UBE3D: variants seen among roughly 807,000 people sequenced by gnomAD.
UBE3D encodes E3 ubiquitin-protein ligase E3D.
A neutral mutation model predicts 49.6 loss-of-function variants in UBE3D; 48 were observed. That is an observed-to-expected ratio of 0.97 (90% CI 0.77 to 1.23). UBE3D has a LOEUF of 1.23. Ranked by LOEUF, UBE3D falls within the 50% of genes most tolerant of loss-of-function variation. UBE3D has a pLI of 0.00. For missense variants in UBE3D, 452 were observed against 468.4 expected, an observed-to-expected ratio of 0.96 and a Z score of 0.32; for synonymous variants, 189 against 174.2, an observed-to-expected ratio of 1.08 and a Z score of -0.67.
intron 8 of UBE3D, among the ~76,000 whole-genome samples, chr6:82,997,966 AT>A (rs5877832): frequency 0.88 from 133,033 of 151,924 alleles, 58,311 homozygotes; most frequent in East Asian, 0.96. Context: ...GGAATGATTG[AT>A]TTTTTTTTAA....
chr6:82,899,256 G>A (rs1429145482), intron 9 of UBE3D, among the ~76,000 whole-genome samples: 1 of 152,154 alleles, frequency 6.6e-6, no homozygotes, highest in Non-Finnish European at 1.5e-5. Context: ...GCAGTCCAAT[G>A]AGGAAGAAGA....
chr6:82,913,797 A>G (rs1772702986), intron 9 of UBE3D, among the ~76,000 whole-genome samples: 1 of 152,244 alleles, frequency 6.6e-6, no homozygotes. Flanking sequence ...AACAGCAGAA[A>G]GTGTCTTTTT....
Position 82,957,390 on chromosome 6 carries a change from G to C in UBE3D, c.1071C>G (p.Thr357=). Reference sequence around the variant, plus strand: ...ACAATATCAACAGCAGCTCCAAGCAGGTTGCAGAGGGCAGGGTTAGCGGGT... The same window carrying C: ...ACAATATCAACAGCAGCTCCAAGCACGTTGCAGAGGGCAGGGTTAGCGGGT... ...SVHPLTLPSA[T]CLELLLILSK... Residue 357 remains threonine, a synonymous_variant, in exon 9 of 10, where the codon ACC becomes ACG. Transcript: ENST00000369747. The C allele has an allele frequency of 6.2e-7, 1 of 1,614,082 alleles. No homozygotes were observed. Among genetic ancestry groups the C allele is most frequent in the Non-Finnish European group, 8.5e-7 (1 of 1,180,010 alleles).
intron 3 of UBE3D, among the ~76,000 whole-genome samples, chr6:83,053,791 G>A (rs1783629829): frequency 1.3e-5 from 2 of 152,192 alleles, no homozygotes; most frequent in Non-Finnish European, 2.9e-5. Flanking sequence ...AGCTTGTTAT[G>A]TGGAAAAAAT....
At chr6:83,049,711 G>C (rs1783332910) in intron 3 of UBE3D, 1 of 470,392 alleles carries the variant, frequency 2.1e-6, no homozygotes, top group South Asian at 1.6e-5. Flanking sequence ...TACCTTACCA[G>C]TGCAGGGAGA....
chr6:83,012,479 C>T (rs182388710), intron 8 of UBE3D, among the ~76,000 whole-genome samples: 1 of 152,328 alleles, frequency 6.6e-6, no homozygotes, highest in East Asian at 1.9e-4. Context: ...CCATCCCTGC[C>T]ACCATGGGCA....
chr6:83,018,023 G>A (rs1195270777), intron 8 of UBE3D: 2 of 152,034 alleles, frequency 1.3e-5, no homozygotes, highest in Non-Finnish European at 2.9e-5. Context: ...GACAACAAAC[G>A]TTTTACTTCT....
the UBE3D span, among the ~76,000 whole-genome samples, chr6:82,880,840 C>T: frequency 2.6e-5 from 4 of 152,118 alleles, no homozygotes; most frequent in East Asian, 1.9e-4. Context: ...AGTTCTGGAG[C>T]CTGGAAGTCC....
At chr6:83,018,868 G>A (rs1042737719) in intron 8 of UBE3D, 105 bp downstream of exon 8, 1 of 1,309,194 alleles carries the variant, frequency 7.6e-7, no homozygotes. Context: ...GAAGCTTCAA[G>A]TAGGGAAATG....
At chr6:82,925,381 C>T (rs958998623) in intron 9 of UBE3D, among the ~76,000 whole-genome samples, 46 of 152,114 alleles carry the variant, frequency 3.0e-4, no homozygotes, top group African/African-American at 9.2e-4. Context: ...CTTACTGACC[C>T]GACTTCTTTA....
chr6:83,058,002 A>G lies in UBE3D; in HGVS notation c.98T>C (p.Met33Thr), dbSNP rs368913478. The G allele has an allele frequency of 9.3e-6, 15 of 1,614,096 alleles. No individual in the cohort carries two copies. The highest frequency in any genetic ancestry group is 1.7e-5 in the Admixed American group (1 of 60,002). ...TGGCATTATGGAAATATTCATGGGC[A>G]TACCTCCTTCTTTCGGTTCTCTGGT... ...LILGEPKEGG[M>T]PMNISIMPSS... Residue 33 changes from methionine to threonine, a missense_variant, in exon 2 of 10, where the codon ATG becomes ACG. Met to Thr is a moderately conservative substitution (Grantham distance 81, BLOSUM62 -1). Coordinates refer to ENST00000369747, the MANE Select transcript of UBE3D (RefSeq NM_198920.3).
intron 8 of UBE3D, among the ~76,000 whole-genome samples, chr6:82,959,717 C>CCA (rs1776413539): frequency 2.7e-5 from 1 of 37,718 alleles, no homozygotes; most frequent in Non-Finnish European, 4.6e-5. Flanking sequence ...GTGAGACCTC[C>CCA]AAAAAAAAAA....
intron 8 of UBE3D, among the ~76,000 whole-genome samples, chr6:83,006,781 G>C (rs1780011743): frequency 6.6e-6 from 1 of 151,964 alleles, no homozygotes; most frequent in Non-Finnish European, 1.5e-5. Context: ...AGAGGGTTGT[G>C]GTTTAATGAG....
At chr6:82,999,284 G>A (rs1779453863) in intron 8 of UBE3D, among the ~76,000 whole-genome samples, 1 of 152,166 alleles carries the variant, frequency 6.6e-6, no homozygotes, top group South Asian at 2.1e-4. Context: ...GTCCACCAGA[G>A]CTTGAGATAC....
chr6:82,996,190 A>G (rs1484894334), intron 8 of UBE3D, among the ~76,000 whole-genome samples: 1 of 152,146 alleles, frequency 6.6e-6, no homozygotes, highest in East Asian at 1.9e-4. Flanking sequence ...GTGAGTCTGG[A>G]GTATTTTGTG....
chr6:83,049,602 G>A, intron 3 of UBE3D: 1 of 312,756 alleles, frequency 3.2e-6, no homozygotes, highest in South Asian at 2.7e-5. Flanking sequence ...CAATCAAGTG[G>A]TTGGATATCC....
At chr6:82,937,993 GCA>G (rs145017106) in intron 9 of UBE3D, among the ~76,000 whole-genome samples, 1 of 151,562 alleles carries the variant, frequency 6.6e-6, no homozygotes, top group Non-Finnish European at 1.5e-5. Flanking sequence ...GTGTGCGCGC[GCA>G]CACACACACA....
At chr6:82,891,077 C>G (rs2127708566), downstream of UBE3D, among the ~76,000 whole-genome samples, 1 of 152,270 alleles carries the variant, frequency 6.6e-6, no homozygotes, top group Non-Finnish European at 1.5e-5. Flanking sequence ...GCATACTAAG[C>G]TTAGGCTACA....
At chr6:82,955,173 AG>A (rs1776075068) in intron 9 of UBE3D, among the ~76,000 whole-genome samples, 2 of 152,160 alleles carry the variant, frequency 1.3e-5, no homozygotes, top group Non-Finnish European at 1.5e-5. Flanking sequence ...ACATCCTTAA[AG>A]GGGGCAAGGC....
Sources: allele counts gnomAD v4.1 joint callset (sites outside exome capture counted in the v4.1 genomes callset), GRCh38; gene constraint gnomAD v4.1.1; transcripts MANE v1.5; gene names NCBI Gene and HGNC (gene_info 2026-07-23, HGNC 2026-07-21).